BEAN1: variants seen among roughly 807,000 people sequenced by gnomAD.
The protein encoded by BEAN1 is protein BEAN1.
In BEAN1, 17 loss-of-function variants were observed where a neutral mutation model predicts 17.7. That is an observed-to-expected ratio of 0.96 (90% CI 0.66 to 1.44). BEAN1 has a LOEUF of 1.44. Among genes scored for constraint, BEAN1 ranks in the 40% most tolerant of loss-of-function variants. BEAN1 has a pLI of 0.00. For missense variants in BEAN1, 359 were observed against 374.1 expected, an observed-to-expected ratio of 0.96 and a Z score of 0.33; for synonymous variants, 142 against 151.8, an observed-to-expected ratio of 0.94 and a Z score of 0.47.
rs1452972214 is a variant in BEAN1, at chr16:66,482,744, A to G, written c.*1819A>G. 5.0e-6 allele frequency: 2 copies of G among 401,934 alleles called. No individual in the cohort carries two copies. Among genetic ancestry groups the G allele is most frequent in the Non-Finnish European group, 9.7e-6 (2 of 205,794 alleles). The allele number at this position is 401,934 out of a possible 1,614,324, so 24.9% of individuals were successfully genotyped here. ...GCTGAATAGCTTTTCTTGTTCCTGG[A>G]CTAGGCAATGAATAAGCAACAATGT... is the stretch of plus-strand genomic sequence containing the variant. On this transcript the variant is annotated 3_prime_UTR_variant, in exon 5 of 5. Transcript: ENST00000536005.
chr16:66,432,518 C>T (rs1961844554), intron 1 of BEAN1, among the ~76,000 whole-genome samples: 1 of 152,220 alleles, frequency 6.6e-6, no homozygotes, highest in Non-Finnish European at 1.5e-5. Context: ...ACATGCACAC[C>T]CGCAGATCCA....
At chr16:66,487,389 G>A (rs940296942), downstream of BEAN1, among the ~76,000 whole-genome samples, 1 of 152,128 alleles carries the variant, frequency 6.6e-6, no homozygotes, top group Admixed American at 6.5e-5. Flanking sequence ...GCCTGGAATT[G>A]TGGCCCAAGC....
chr16:66,452,510 C>T (rs999458679), intron 2 of BEAN1, among the ~76,000 whole-genome samples: 1 of 152,294 alleles, frequency 6.6e-6, no homozygotes, highest in East Asian at 1.9e-4. Context: ...GCTGTCCCAC[C>T]AGAAAGGCCT....
chr16:66,430,375 A>T (rs1207529283), intron 1 of BEAN1, among the ~76,000 whole-genome samples: 1 of 152,208 alleles, frequency 6.6e-6, no homozygotes, highest in Non-Finnish European at 1.5e-5. Context: ...CATTTTATTG[A>T]TGAGAACACT....
intron 2 of BEAN1, among the ~76,000 whole-genome samples, chr16:66,457,752 G>A (rs769600430): frequency 2.4e-4 from 36 of 150,962 alleles, no homozygotes; most frequent in Admixed American, 1.3e-3. Flanking sequence ...GTGACCAGAG[G>A]ACAGATATCA....
chr16:66,458,231 G>A (rs1043316175), intron 2 of BEAN1, among the ~76,000 whole-genome samples: 32 of 152,166 alleles, frequency 2.1e-4, no homozygotes, highest in Admixed American at 3.9e-4. Flanking sequence ...AGGCTGCAAA[G>A]AGCACTTCCC....
intron 2 of BEAN1, among the ~76,000 whole-genome samples, chr16:66,441,629 A>G (rs925806449): frequency 2.0e-5 from 3 of 152,160 alleles, no homozygotes; most frequent in Non-Finnish European, 2.9e-5. Context: ...AGGTAAAACA[A>G]GCCCAAACGT....
At chr16:66,463,957 C>G (rs1963176453) in intron 2 of BEAN1, among the ~76,000 whole-genome samples, 1 of 152,320 alleles carries the variant, frequency 6.6e-6, no homozygotes, top group South Asian at 2.1e-4. Flanking sequence ...GTCTGTTTCT[C>G]AACTCTCAAT....
At chr16:66,459,181 A>C (rs150209646) in intron 2 of BEAN1, among the ~76,000 whole-genome samples, 1 of 152,180 alleles carries the variant, frequency 6.6e-6, no homozygotes, top group Non-Finnish European at 1.5e-5. Context: ...GGACCCTTGC[A>C]GCAGCCTCCT....
chr16:66,494,298 C>A (rs1232013374), downstream of BEAN1, among the ~76,000 whole-genome samples: 1 of 152,126 alleles, frequency 6.6e-6, no homozygotes, highest in East Asian at 1.9e-4. Context: ...CTGCTAACCC[C>A]AAAAGGTCTC....
chr16:66,435,132 C>G (rs751939510), intron 1 of BEAN1, among the ~76,000 whole-genome samples: 1 of 152,000 alleles, frequency 6.6e-6, no homozygotes, highest in Non-Finnish European at 1.5e-5. Flanking sequence ...GAGGGAACAG[C>G]CCAGAAGGAT....
At chr16:66,489,298 T>C (rs898865937) in intron 4 of BEAN1, among the ~76,000 whole-genome samples, 1 of 152,166 alleles carries the variant, frequency 6.6e-6, no homozygotes, top group African/African-American at 2.4e-5. Context: ...CAGCTCTTGC[T>C]CTCCCTGCCT....
chr16:66,469,538 G>A (rs764064333), intron 2 of BEAN1, 64 bp from the exon 3 acceptor site: 98 of 1,453,996 alleles, frequency 6.7e-5, no homozygotes, highest in Non-Finnish European at 8.4e-5. Flanking sequence ...GGCAGCACGG[G>A]CAGAGAAGGA....
chr16:66,486,472 C>T (rs915725757), downstream of BEAN1, among the ~76,000 whole-genome samples: 23 of 152,148 alleles, frequency 1.5e-4, no homozygotes, highest in Admixed American at 1.4e-3. Context: ...CCAGGCTGGT[C>T]TTGAACTCCT....
downstream of BEAN1, among the ~76,000 whole-genome samples, chr16:66,494,552 C>T (rs1964220855): frequency 6.6e-6 from 1 of 152,164 alleles, no homozygotes; most frequent in Non-Finnish European, 1.5e-5. Flanking sequence ...GGTAGGTCAT[C>T]CTGCAGCTCT....
chr16:66,486,160 T>C (rs1172534471), downstream of BEAN1, among the ~76,000 whole-genome samples: 1 of 152,172 alleles, frequency 6.6e-6, no homozygotes, highest in Admixed American at 6.5e-5. Context: ...CAGAGAAAAC[T>C]GGCCCAGACA....
At chr16:66,458,620 GCTA>G (rs1341750118) in intron 2 of BEAN1, among the ~76,000 whole-genome samples, 3 of 143,620 alleles carry the variant, frequency 2.1e-5, no homozygotes, top group South Asian at 4.3e-4. Context: ...TCTGCTCTGT[GCTA>G]CTATTTGATA....
At chr16:66,485,369 C>T (rs79437668), downstream of BEAN1, 319 of 347,560 alleles carry the variant, frequency 9.2e-4, 1 homozygote, top group Middle Eastern at 0.011. Flanking sequence ...ACTCCAGTGC[C>T]ACTGACACTC....
At chr16:66,452,887 G>T (rs1962726609) in intron 2 of BEAN1, among the ~76,000 whole-genome samples, 1 of 152,074 alleles carries the variant, frequency 6.6e-6, no homozygotes, top group African/African-American at 2.4e-5. Context: ...GGTCTATGGA[G>T]TCAGAACCAG....
Sources: allele counts gnomAD v4.1 joint callset (sites outside exome capture counted in the v4.1 genomes callset), GRCh38; gene constraint gnomAD v4.1.1; transcripts MANE v1.5; gene names NCBI Gene and HGNC (gene_info 2026-07-23, HGNC 2026-07-21).